The following USH2A variants were observed in gnomAD, a reference collection of about 807,000 sequenced individuals.
The protein encoded by USH2A is Usher syndrome 2A (autosomal recessive, mild).
A neutral mutation model predicts 538.9 loss-of-function variants in USH2A; 443 were observed. The observed-to-expected ratio is 0.82, with a 90% confidence interval of 0.76 to 0.89. The LOEUF (loss-of-function observed/expected upper bound fraction) is 0.89. Among genes scored for constraint, USH2A ranks in the 40% least tolerant of loss-of-function variants. The pLI, the probability that USH2A is intolerant of heterozygous loss-of-function variation, is 0.00. For synonymous variants in USH2A, 2,413 were observed against 2,273.5 expected (o/e 1.06, Z -1.75); for missense variants, 6,633 against 6,324.8 (o/e 1.05, Z -1.65).
intron 62 of USH2A, among the ~76,000 whole-genome samples, chr1:215,678,498 C>A (rs1658109329): frequency 6.6e-6 from 1 of 152,204 alleles, no homozygotes; most frequent in Admixed American, 6.5e-5. Context: ...ATGACTAACT[C>A]TGTCTTGTCA....
chr1:215,632,844 A>T (rs947952909), intron 70 of USH2A, among the ~76,000 whole-genome samples: 1 of 152,160 alleles, frequency 6.6e-6, no homozygotes, highest in African/African-American at 2.4e-5. Context: ...TTCAGTGAGA[A>T]TCTCCTAATG....
At chr1:216,038,240 C>T (rs1208656461) in intron 32 of USH2A, among the ~76,000 whole-genome samples, 1 of 151,970 alleles carries the variant, frequency 6.6e-6, no homozygotes, top group Non-Finnish European at 1.5e-5. Flanking sequence ...TTTTGTAAAA[C>T]ATCAATGATT....
intron 32 of USH2A, among the ~76,000 whole-genome samples, chr1:216,013,194 T>C (rs4501816): frequency 1.3e-5 from 2 of 151,484 alleles, no homozygotes; most frequent in African/African-American, 4.9e-5. Flanking sequence ...TTTTAATTCA[T>C]ACAAAACTGT....
chr1:216,238,595 T>G (rs2035874725), intron 13 of USH2A, among the ~76,000 whole-genome samples: 1 of 152,208 alleles, frequency 6.6e-6, no homozygotes, highest in South Asian at 2.1e-4. Context: ...AAAACCAATG[T>G]GTCTCTAATG....
At chr1:216,243,243 T>A (rs1333077774) in intron 13 of USH2A, among the ~76,000 whole-genome samples, 1 of 152,178 alleles carries the variant, frequency 6.6e-6, no homozygotes, top group Non-Finnish European at 1.5e-5. Flanking sequence ...ATATATTTCC[T>A]CAGGACTCAA....
intron 3 of USH2A, among the ~76,000 whole-genome samples, chr1:216,418,067 G>C: frequency 6.6e-6 from 1 of 151,980 alleles, no homozygotes; most frequent in East Asian, 1.9e-4. Context: ...TAGTTCTAAG[G>C]TCACCATTTT....
intron 35 of USH2A, among the ~76,000 whole-genome samples, chr1:215,977,014 G>T (rs1362111926): frequency 6.6e-6 from 1 of 150,456 alleles, no homozygotes; most frequent in African/African-American, 2.4e-5. Flanking sequence ...TTTCGGCGGG[G>T]TAGGGGAGGC....
chr1:216,290,155 G>A (rs770683423), intron 10 of USH2A, among the ~76,000 whole-genome samples: 4 of 152,012 alleles, frequency 2.6e-5, no homozygotes, highest in Non-Finnish European at 5.9e-5. Context: ...GAAATAAGCT[G>A]AAGTAGAACT....
chr1:215,627,427 TC>T (rs879347872), intron 71 of USH2A, among the ~76,000 whole-genome samples: 11,471 of 119,070 alleles, frequency 0.096, 1,189 homozygotes, highest in East Asian at 0.21. Flanking sequence ...CTTCCTTCCT[TC>T]CTTCCTTCCT....
chr1:216,126,886 T>C (rs886997390), intron 21 of USH2A, among the ~76,000 whole-genome samples: 4 of 152,176 alleles, frequency 2.6e-5, no homozygotes, highest in Admixed American at 6.5e-5. Flanking sequence ...ATATGGAAAA[T>C]GCTATTCATG....
intron 44 of USH2A, among the ~76,000 whole-genome samples, chr1:215,865,911 G>C (rs1002388351): frequency 1.3e-5 from 2 of 152,120 alleles, no homozygotes; most frequent in Non-Finnish European, 2.9e-5. Flanking sequence ...TATCACTCAG[G>C]TGTCCTAAAT....
At chr1:215,760,779 T>TATC (rs1660958378) in intron 56 of USH2A, among the ~76,000 whole-genome samples, 1 of 152,200 alleles carries the variant, frequency 6.6e-6, no homozygotes, top group East Asian at 1.9e-4. Flanking sequence ...TACTTTCCTG[T>TATC]ATCTTTACTT....
chr1:216,185,869 G>C (rs1041583975), intron 20 of USH2A, among the ~76,000 whole-genome samples: 1 of 151,916 alleles, frequency 6.6e-6, no homozygotes, highest in African/African-American at 2.4e-5. Flanking sequence ...GAGGCAAAAA[G>C]AATGATGGAT....
chr1:215,981,212 A>G (rs2102466936), intron 35 of USH2A, among the ~76,000 whole-genome samples: 1 of 152,200 alleles, frequency 6.6e-6, no homozygotes, highest in East Asian at 1.9e-4. Context: ...TGTTTATCAG[A>G]CATTTAATTT....
At chr1:216,277,653 G>A (rs79606019) in intron 11 of USH2A, among the ~76,000 whole-genome samples, 1 of 152,066 alleles carries the variant, frequency 6.6e-6, no homozygotes, top group Non-Finnish European at 1.5e-5. Flanking sequence ...GTCTTCAATA[G>A]TACACAAATG....
At chr1:215,867,238 CTT>C in intron 43 of USH2A, 68 bp from the exon 44 acceptor site, 1 of 1,529,080 alleles carries the variant, frequency 6.5e-7, no homozygotes, top group South Asian at 1.2e-5. Context: ...CAAATAATTT[CTT>C]TTTTTCTTCA....
intron 14 of USH2A, among the ~76,000 whole-genome samples, chr1:216,225,484 C>A (rs887210423): frequency 2.0e-5 from 3 of 152,132 alleles, no homozygotes; most frequent in Admixed American, 6.6e-5. Context: ...GCATTCCACA[C>A]GACTGATTTA....
Position 216,299,828 on chromosome 1 carries a change from C to G in USH2A, c.1645-7458G>C, listed in dbSNP as rs1233249321. Among the ~76,000 whole-genome samples the G allele has an allele frequency of 2.6e-5, 4 of 151,816 alleles. No individual in the cohort carries two copies. In the East Asian group the frequency reaches 5.8e-4, roughly 22 times the overall value. ...ATTTGTAAAAAATATACATTTTTTC[C>G]AAAACAATGGGATTAATATACAGAA... is the stretch of plus-strand genomic sequence containing the variant. On this transcript the variant is annotated intron_variant, in intron 9 of 71. Transcript: ENST00000307340.
In USH2A at chr1:215,667,915, T is replaced by G. The variant is rs114672649; in HGVS notation, c.14133+3057A>C. 3.3e-3 allele frequency among the ~76,000 whole-genome samples: 498 copies of G among 152,326 alleles called. 2 individuals are homozygous for G. The highest frequency in any genetic ancestry group is 0.011 in the African/African-American group (446 of 41,576). On this transcript the variant is annotated intron_variant, in intron 64 of 71. Transcript: ENST00000307340. ...TCAAAACCAGAAATGAGTACAATGA[T>G]GTAATGTAGTGTAGGAAGGTGGTGG...
Sources: gnomAD v4.1 joint callset for allele counts (sites outside exome capture counted in the v4.1 genomes callset) on GRCh38, gnomAD v4.1.1 for gene constraint, MANE v1.5 for transcripts, NCBI Gene and HGNC (gene_info 2026-07-23, HGNC 2026-07-21) for gene names.